Variants in NPAS3 observed in about 807,000 individuals in gnomAD.
NPAS3 encodes neuronal PAS domain-containing protein 3.
In NPAS3, 14 loss-of-function variants were observed where a neutral mutation model predicts 73.1. The observed-to-expected ratio is 0.19, with a 90% confidence interval of 0.13 to 0.30. The LOEUF is 0.30. Ranked by LOEUF, NPAS3 falls within the 10% of genes least tolerant of loss-of-function variation. The pLI is 1.00. For missense variants in NPAS3, 1,096 were observed against 1,250.0 expected (o/e 0.88, Z 1.86); for synonymous variants, 620 against 541.5 (o/e 1.14, Z -2.01).
chr14:32,959,510 T>G (rs1409348945), intron 1 of NPAS3, among the ~76,000 whole-genome samples: 1 of 152,252 alleles, frequency 6.6e-6, no homozygotes, highest in Non-Finnish European at 1.5e-5. Flanking sequence ...GAGTAAATAT[T>G]TCATATACTT....
intron 1 of NPAS3, among the ~76,000 whole-genome samples, chr14:33,051,047 G>A (rs2040684597): frequency 6.6e-6 from 1 of 151,998 alleles, no homozygotes; most frequent in African/African-American, 2.4e-5. Context: ...GGCCGAGGCG[G>A]GTGGATCACG....
chr14:33,669,259 C>G (rs969073214), intron 5 of NPAS3, among the ~76,000 whole-genome samples: 3 of 152,194 alleles, frequency 2.0e-5, no homozygotes, highest in Non-Finnish European at 4.4e-5. Flanking sequence ...TAACAGCATC[C>G]TTTTGCCTTC....
intron 4 of NPAS3, among the ~76,000 whole-genome samples, chr14:33,518,061 T>A (rs2053385235): frequency 6.6e-6 from 1 of 152,114 alleles, no homozygotes; most frequent in Non-Finnish European, 1.5e-5. Context: ...CAGCAAAAGA[T>A]GATATGACTA....
At chr14:33,313,863 G>A (rs1021965988) in intron 3 of NPAS3, among the ~76,000 whole-genome samples, 1 of 151,936 alleles carries the variant, frequency 6.6e-6, no homozygotes, top group Non-Finnish European at 1.5e-5. Context: ...ATCCCTTTTG[G>A]TCACACTGCT....
chr14:33,774,249 A>C (rs895831088), intron 7 of NPAS3, 88 bp from the exon 8 acceptor site: 19 of 984,520 alleles, frequency 1.9e-5, no homozygotes, highest in Non-Finnish European at 2.9e-5. Flanking sequence ...TGGTTGTTCC[A>C]GATGTAATTT....
chr14:33,074,469 G>T (rs1166834205), intron 2 of NPAS3, among the ~76,000 whole-genome samples: 1 of 152,050 alleles, frequency 6.6e-6, no homozygotes, highest in Non-Finnish European at 1.5e-5. Context: ...CAGGCTGGAG[G>T]GCAGTGGCAT....
intron 3 of NPAS3, among the ~76,000 whole-genome samples, chr14:33,358,369 A>T (rs2045436328): frequency 6.6e-6 from 1 of 152,202 alleles, no homozygotes; most frequent in Admixed American, 6.5e-5. Flanking sequence ...GTGGGGTCCC[A>T]GTCCTTCAGG....
intron 3 of NPAS3, among the ~76,000 whole-genome samples, chr14:33,286,898 C>G (rs923433834): frequency 6.6e-6 from 1 of 152,116 alleles, no homozygotes; most frequent in African/African-American, 2.4e-5. Flanking sequence ...AAAAGAGCAG[C>G]CGTGATTTCC....
intron 4 of NPAS3, among the ~76,000 whole-genome samples, chr14:33,391,303 C>T (rs1431022240): frequency 1.3e-5 from 2 of 150,548 alleles, no homozygotes; most frequent in East Asian, 2.0e-4. Flanking sequence ...AAGCAATTCT[C>T]CTGCCTCAGC....
chr14:33,424,426 C>T (rs916257166), intron 4 of NPAS3, among the ~76,000 whole-genome samples: 38 of 151,910 alleles, frequency 2.5e-4, no homozygotes, highest in Admixed American at 1.8e-3. Flanking sequence ...TATGATCAAA[C>T]GCAACTACTT....
At chr14:33,507,027 T>A (rs1160678690) in intron 4 of NPAS3, among the ~76,000 whole-genome samples, 3 of 147,840 alleles carry the variant, frequency 2.0e-5, no homozygotes, top group Non-Finnish European at 4.5e-5. Context: ...AAAAAAAAAA[T>A]TGTATTGCTC....
chr14:33,575,196 T>C (rs1193124254), intron 5 of NPAS3, among the ~76,000 whole-genome samples: 1 of 152,220 alleles, frequency 6.6e-6, no homozygotes, highest in African/African-American at 2.4e-5. Context: ...TTAACATAGC[T>C]TGTTAACCAC....
intron 6 of NPAS3, among the ~76,000 whole-genome samples, chr14:33,721,601 C>T (rs190739901): frequency 2.0e-5 from 3 of 151,926 alleles, no homozygotes; most frequent in South Asian, 2.1e-4. Context: ...CACAATGAAT[C>T]GAAAATATTT....
intron 3 of NPAS3, among the ~76,000 whole-genome samples, chr14:33,245,858 A>G (rs577432541): frequency 1.4e-4 from 21 of 152,240 alleles, no homozygotes; most frequent in Admixed American, 7.8e-4. Context: ...ACGAGTCACA[A>G]CTTTAAGTGT....
chr14:32,940,357 C>T (rs1323011086), intron 1 of NPAS3, among the ~76,000 whole-genome samples: 4 of 152,168 alleles, frequency 2.6e-5, no homozygotes, highest in African/African-American at 9.7e-5. Flanking sequence ...AACTCAGCAC[C>T]CCCTCCCCAT....
intron 5 of NPAS3, among the ~76,000 whole-genome samples, chr14:33,566,402 G>T (rs1247213725): frequency 1.3e-5 from 2 of 152,074 alleles, no homozygotes; most frequent in East Asian, 1.9e-4. Context: ...GGGGGAAAAA[G>T]TTCCTCTGTT....
intron 4 of NPAS3, among the ~76,000 whole-genome samples, chr14:33,408,127 A>G (rs2047748784): frequency 1.3e-5 from 2 of 152,250 alleles, no homozygotes; most frequent in South Asian, 4.1e-4. Context: ...GCTAATCGAG[A>G]AGAGTACTTT....
intron 6 of NPAS3, among the ~76,000 whole-genome samples, chr14:33,721,094 T>C (rs1461717992): frequency 6.6e-6 from 1 of 152,180 alleles, no homozygotes; most frequent in East Asian, 1.9e-4. Flanking sequence ...CTTACATGCG[T>C]CTCCTAAAAT....
chr14:32,993,149 CAA>C (rs538579532), intron 1 of NPAS3, among the ~76,000 whole-genome samples: 28 of 92,006 alleles, frequency 3.0e-4, no homozygotes, highest in Admixed American at 3.5e-4. Context: ...AACTTCGTCT[CAA>C]AAAAAAAAAA....
Sources: gnomAD v4.1 joint callset for allele counts (sites outside exome capture counted in the v4.1 genomes callset) on GRCh38, gnomAD v4.1.1 for gene constraint, MANE v1.5 for transcripts, NCBI Gene and HGNC (gene_info 2026-07-23, HGNC 2026-07-21) for gene names.